MGAT4C: variants seen among roughly 807,000 people sequenced by gnomAD.
The protein encoded by MGAT4C is MGAT4 family member C, also known as alpha-1,3-mannosyl-glycoprotein 4-beta-N-acetylglucosaminyltransferase C.
MGAT4C carries 19 observed loss-of-function variants against 40.1 expected under a neutral mutation model. The observed-to-expected ratio is 0.47, with a 90% CI of 0.33 to 0.70. The LOEUF is 0.70. Ranked by LOEUF, MGAT4C falls within the 30% of genes least tolerant of loss-of-function variation. MGAT4C has a pLI of 0.02. For missense variants in MGAT4C, 491 were observed against 563.2 expected, an observed-to-expected ratio of 0.87 and a Z score of 1.30; for synonymous variants, 181 against 187.1, an observed-to-expected ratio of 0.97 and a Z score of 0.27.
intron 1 of MGAT4C, among the ~76,000 whole-genome samples, chr12:86,080,921 T>G (rs1367940088): frequency 2.0e-5 from 3 of 152,198 alleles, no homozygotes; most frequent in African/African-American, 7.2e-5. Flanking sequence ...GTGTTCAGCA[T>G]GAAAATACAT....
intron 2 of MGAT4C, among the ~76,000 whole-genome samples, chr12:86,484,521 C>A (rs1342271404): frequency 6.6e-6 from 1 of 152,194 alleles, no homozygotes; most frequent in Non-Finnish European, 1.5e-5. Context: ...TAGGATCCCC[C>A]AACACAGCCA....
chr12:86,020,427 T>G (rs1274043101), intron 2 of MGAT4C, among the ~76,000 whole-genome samples: 1 of 152,116 alleles, frequency 6.6e-6, no homozygotes, highest in Non-Finnish European at 1.5e-5. Flanking sequence ...TCAGAAATAA[T>G]GCTGCATATC....
intron 2 of MGAT4C, among the ~76,000 whole-genome samples, chr12:86,491,498 A>G (rs554737947): frequency 2.2e-4 from 34 of 152,218 alleles, no homozygotes; most frequent in Admixed American, 1.0e-3. Context: ...AATATACGCA[A>G]ATCAATAAAC....
At chr12:86,694,903 A>G (rs1950229088) in intron 2 of MGAT4C, among the ~76,000 whole-genome samples, 1 of 152,216 alleles carries the variant, frequency 6.6e-6, no homozygotes, top group South Asian at 2.1e-4. Flanking sequence ...CAATCAAAGC[A>G]AAAATGGACA....
intron 3 of MGAT4C, among the ~76,000 whole-genome samples, chr12:86,394,909 C>G (rs1000846143): frequency 2.0e-5 from 3 of 151,898 alleles, no homozygotes; most frequent in Non-Finnish European, 4.4e-5. Flanking sequence ...AGACACCACA[C>G]CCGGCTTAAT....
At chr12:86,240,832 C>T (rs183577674) in intron 1 of MGAT4C, among the ~76,000 whole-genome samples, 12 of 152,210 alleles carry the variant, frequency 7.9e-5, no homozygotes, top group African/African-American at 2.2e-4. Flanking sequence ...TGCATATCAA[C>T]GTTGCCTGTT....
intron 4 of MGAT4C, among the ~76,000 whole-genome samples, chr12:86,317,155 A>T (rs1954259731): frequency 6.6e-6 from 1 of 152,152 alleles, no homozygotes; most frequent in South Asian, 2.1e-4. Flanking sequence ...CAACTTTTAT[A>T]GTCAATCTAT....
intron 3 of MGAT4C, among the ~76,000 whole-genome samples, chr12:86,399,481 C>T (rs969635194): frequency 1.3e-5 from 2 of 151,762 alleles, no homozygotes; most frequent in African/African-American, 4.8e-5. Flanking sequence ...CGGGGTTTCA[C>T]CGTGTTAGCC....
intron 2 of MGAT4C, among the ~76,000 whole-genome samples, chr12:86,633,472 T>C (rs1244681532): frequency 6.6e-6 from 1 of 152,102 alleles, no homozygotes; most frequent in African/African-American, 2.4e-5. Flanking sequence ...TTGCAGGCCA[T>C]AGTAAGAGAC....
At chr12:86,781,889 GTT>G (rs1333899384) in intron 1 of MGAT4C, among the ~76,000 whole-genome samples, 1 of 151,306 alleles carries the variant, frequency 6.6e-6, no homozygotes, top group Admixed American at 6.6e-5. Context: ...CTCTTAAAGT[GTT>G]TTTATACAAA....
chr12:86,116,377 C>T (rs906791706), intron 1 of MGAT4C, among the ~76,000 whole-genome samples: 1 of 151,864 alleles, frequency 6.6e-6, no homozygotes, highest in Non-Finnish European at 1.5e-5. Context: ...AAGATACTGG[C>T]TCGGACTAAG....
intron 2 of MGAT4C, among the ~76,000 whole-genome samples, chr12:86,592,042 A>G (rs903601703): frequency 6.6e-6 from 1 of 152,096 alleles, no homozygotes; most frequent in Non-Finnish European, 1.5e-5. Context: ...ATGAAATTGT[A>G]TTCATCAATT....
intron 2 of MGAT4C, among the ~76,000 whole-genome samples, chr12:86,560,859 C>A (rs1457682634): frequency 6.6e-6 from 1 of 152,088 alleles, no homozygotes; most frequent in Non-Finnish European, 1.5e-5. Flanking sequence ...AATTGTACTT[C>A]TTTGCAGAAA....
At chr12:86,436,964 A>C (rs1488169706) in intron 2 of MGAT4C, among the ~76,000 whole-genome samples, 1 of 151,764 alleles carries the variant, frequency 6.6e-6, no homozygotes, top group Non-Finnish European at 1.5e-5. Context: ...TTCTGAGGTT[A>C]TGGGAGTGAA....
At chr12:86,115,352 T>A (rs1404672937) in intron 1 of MGAT4C, among the ~76,000 whole-genome samples, 1 of 151,906 alleles carries the variant, frequency 6.6e-6, no homozygotes, top group Non-Finnish European at 1.5e-5. Flanking sequence ...GTTAATCAAT[T>A]AGGTCATATA....
intron 2 of MGAT4C, among the ~76,000 whole-genome samples, chr12:85,999,520 A>T (rs1887038556): frequency 1.3e-5 from 2 of 151,944 alleles, no homozygotes; most frequent in Admixed American, 1.3e-4. Flanking sequence ...TAGCCAAGAT[A>T]AGGAATCAAC....
chr12:86,055,450 A>G (rs1263663516), intron 1 of MGAT4C, among the ~76,000 whole-genome samples: 1 of 152,116 alleles, frequency 6.6e-6, no homozygotes, highest in African/African-American at 2.4e-5. Context: ...AATGAGAACC[A>G]CATGAGTAAA....
chr12:86,240,654 C>T (rs896190328), intron 1 of MGAT4C, among the ~76,000 whole-genome samples: 28 of 151,990 alleles, frequency 1.8e-4, no homozygotes, highest in Non-Finnish European at 3.1e-4. Flanking sequence ...CCAGCCCCTC[C>T]CCTGACTCTC....
At chr12:86,430,149 T>G (rs1266990342) in intron 3 of MGAT4C, among the ~76,000 whole-genome samples, 1 of 152,206 alleles carries the variant, frequency 6.6e-6, no homozygotes, top group African/African-American at 2.4e-5. Context: ...CTTGCAATTT[T>G]GTATATTGTT....
Sources: gnomAD v4.1 joint callset for allele counts (sites outside exome capture counted in the v4.1 genomes callset) on GRCh38, gnomAD v4.1.1 for gene constraint, MANE v1.5 for transcripts, NCBI Gene and HGNC (gene_info 2026-07-23, HGNC 2026-07-21) for gene names.